Variants in FILIP1L observed in about 807,000 individuals in gnomAD.
FILIP1L encodes filamin A-interacting protein 1-like.
In FILIP1L, 55 loss-of-function variants were observed where a neutral mutation model predicts 96.6. The observed-to-expected ratio is 0.57, with a 90% CI of 0.46 to 0.71. The LOEUF (loss-of-function observed/expected upper bound fraction) is 0.71, where lower values mean the gene tolerates loss of function less well. Among genes scored for constraint, FILIP1L ranks in the 30% least tolerant of loss-of-function variants. The probability of loss-of-function intolerance (pLI) is 0.00; values close to 1 mark genes in which losing one functional copy is unlikely to be tolerated. For missense variants in FILIP1L, 1,304 were observed against 1,321.2 expected (o/e 0.99, Z 0.20); for synonymous variants, 467 against 473.9 (o/e 0.99, Z 0.19).
At chr3:99,979,099 C>T (rs1047072686) in intron 1 of FILIP1L, among the ~76,000 whole-genome samples, 1 of 152,156 alleles carries the variant, frequency 6.6e-6, no homozygotes, top group Non-Finnish European at 1.5e-5. Flanking sequence ...GGATTTCTAA[C>T]TTCCCCAACA....
intron 1 of FILIP1L, among the ~76,000 whole-genome samples, chr3:100,042,085 A>T (rs1438850494): frequency 6.6e-6 from 1 of 152,134 alleles, no homozygotes; most frequent in African/African-American, 2.4e-5. Context: ...ATCCATCCCT[A>T]AAACATTGTC....
At chr3:100,109,492 G>A (rs1298284100) in intron 1 of FILIP1L, among the ~76,000 whole-genome samples, 1 of 152,100 alleles carries the variant, frequency 6.6e-6, no homozygotes, top group Non-Finnish European at 1.5e-5. Context: ...CCTCCCCTCA[G>A]CGTCAGCTGT....
chr3:100,027,028 A>G (rs1576652026), intron 1 of FILIP1L, among the ~76,000 whole-genome samples: 1 of 151,444 alleles, frequency 6.6e-6, no homozygotes, highest in African/African-American at 2.4e-5. Flanking sequence ...GCTGTTCCCT[A>G]TTTTTCCAGG....
At chr3:99,911,346 AAC>A (rs1376797864) in intron 4 of FILIP1L, among the ~76,000 whole-genome samples, 1 of 149,310 alleles carries the variant, frequency 6.7e-6, no homozygotes, top group African/African-American at 2.4e-5. Context: ...ATGTTATTAT[AAC>A]AAAATAATAA....
At chr3:100,069,807 A>G (rs2065729837) in intron 1 of FILIP1L, among the ~76,000 whole-genome samples, 2 of 152,166 alleles carry the variant, frequency 1.3e-5, no homozygotes, top group African/African-American at 4.8e-5. Context: ...TCTATTTGTG[A>G]GGGCATAAGC....
intron 4 of FILIP1L, among the ~76,000 whole-genome samples, chr3:99,889,757 A>G (rs944665777): frequency 2.4e-4 from 36 of 152,096 alleles, no homozygotes; most frequent in African/African-American, 8.4e-4. Context: ...CCATCTCACA[A>G]GTTAAATTCT....
At chr3:100,028,713 A>G (rs1486825296) in intron 1 of FILIP1L, among the ~76,000 whole-genome samples, 1 of 152,222 alleles carries the variant, frequency 6.6e-6, no homozygotes, top group Non-Finnish European at 1.5e-5. Context: ...TTATCCAGTT[A>G]GAAAATAATC....
chr3:99,848,183 C>A (rs1167590287), intron 5 of FILIP1L, 112 bp downstream of exon 5: 1 of 1,539,848 alleles, frequency 6.5e-7, no homozygotes, highest in African/African-American at 1.4e-5. Context: ...AGTACGAGTT[C>A]AGTCAGTCTT....
At chr3:99,871,698 C>T (rs1944794677) in intron 4 of FILIP1L, among the ~76,000 whole-genome samples, 1 of 152,106 alleles carries the variant, frequency 6.6e-6, no homozygotes, top group South Asian at 2.1e-4. Context: ...GTGCAAAATG[C>T]TTAGCTGGAA....
intron 1 of FILIP1L, among the ~76,000 whole-genome samples, chr3:100,087,010 A>G (rs1186686912): frequency 6.6e-6 from 1 of 152,220 alleles, no homozygotes; most frequent in East Asian, 1.9e-4. Context: ...GATACTATCC[A>G]AATTGTCATG....
intron 1 of FILIP1L, among the ~76,000 whole-genome samples, chr3:99,948,351 T>A (rs908757354): frequency 2.6e-4 from 39 of 151,834 alleles, no homozygotes; most frequent in African/African-American, 6.8e-4. Flanking sequence ...AATTAAAAAA[T>A]TTTTTAAAAA....
intron 4 of FILIP1L, among the ~76,000 whole-genome samples, chr3:99,869,445 G>A (rs1944679326): frequency 6.6e-6 from 1 of 152,192 alleles, no homozygotes; most frequent in Non-Finnish European, 1.5e-5. Flanking sequence ...TAATATGAGT[G>A]TTTGAAAAGT....
chr3:100,014,891 C>CTTTTTT (rs1710284139), intron 1 of FILIP1L, among the ~76,000 whole-genome samples: 2 of 27,224 alleles, frequency 7.3e-5, no homozygotes, highest in Non-Finnish European at 6.9e-5. Flanking sequence ...TTTTTTCTTT[C>CTTTTTT]TTTCTTTTTT....
chr3:99,855,100 G>C (rs1008500325), intron 4 of FILIP1L, among the ~76,000 whole-genome samples: 3 of 152,164 alleles, frequency 2.0e-5, no homozygotes, highest in African/African-American at 7.2e-5. Flanking sequence ...GATACTGTTT[G>C]AATATTAACT....
chr3:100,037,680 C>T (rs1277267640), intron 1 of FILIP1L, among the ~76,000 whole-genome samples: 1 of 152,196 alleles, frequency 6.6e-6, no homozygotes, highest in Non-Finnish European at 1.5e-5. Flanking sequence ...GGCACACCTA[C>T]ATTTGTTTTA....
intron 5 of FILIP1L, among the ~76,000 whole-genome samples, chr3:99,837,152 A>G (rs1301973705): frequency 6.6e-6 from 1 of 152,210 alleles, no homozygotes; most frequent in Non-Finnish European, 1.5e-5. Flanking sequence ...ATTTCATATG[A>G]AATAAATGGG....
At chr3:99,918,968 G>T (rs1707040578) in intron 4 of FILIP1L, among the ~76,000 whole-genome samples, 1 of 152,202 alleles carries the variant, frequency 6.6e-6, no homozygotes, top group African/African-American at 2.4e-5. Flanking sequence ...GAAAGGAAAT[G>T]ATTGCATTTG....
chr3:99,914,202 G>A (rs1706881184), intron 4 of FILIP1L, among the ~76,000 whole-genome samples: 1 of 152,192 alleles, frequency 6.6e-6, no homozygotes, highest in African/African-American at 2.4e-5. Context: ...AGGTAAGCCA[G>A]GATCCTGGAT....
At chr3:99,880,608 T>C (rs1359960526) in intron 4 of FILIP1L, among the ~76,000 whole-genome samples, 1 of 152,186 alleles carries the variant, frequency 6.6e-6, no homozygotes, top group African/African-American at 2.4e-5. Context: ...TGGGAAGTCC[T>C]TTGTTATTAA....
Sources: allele counts gnomAD v4.1 joint callset (sites outside exome capture counted in the v4.1 genomes callset), GRCh38; gene constraint gnomAD v4.1.1; transcripts MANE v1.5; gene names NCBI Gene and HGNC (gene_info 2026-07-23, HGNC 2026-07-21).